Variants in DGKB observed in about 807,000 individuals in gnomAD.
DGKB encodes the protein diacylglycerol kinase beta, also known as 90 kDa diacylglycerol kinase.
Under a neutral mutation model 114.3 loss-of-function variants are expected in DGKB, and 67 were observed. The observed-to-expected ratio is 0.59, with a 90% confidence interval of 0.48 to 0.72. The LOEUF (loss-of-function observed/expected upper bound fraction) is 0.72. DGKB is among the 30% of genes least tolerant of loss of function. The probability of loss-of-function intolerance (pLI) is 0.00; values close to 1 mark genes in which losing one functional copy is unlikely to be tolerated. For synonymous variants in DGKB, 398 were observed against 323.1 expected (o/e 1.23, Z -2.49); for missense variants, 907 against 975.2 (o/e 0.93, Z 0.93).
intron 20 of DGKB, among the ~76,000 whole-genome samples, chr7:14,505,408 T>C (rs372906384): frequency 3.2e-4 from 48 of 151,522 alleles, no homozygotes; most frequent in African/African-American, 1.1e-3. Flanking sequence ...GAGCAGAGAT[T>C]GTGCCACTGC....
rs552695119 is a variant in DGKB, at chr7:14,926,005, C to T, written c.-188+48691G>A. Among the ~76,000 whole-genome samples, 8 of 152,082 alleles carry T rather than the reference C, an allele frequency of 5.3e-5. No individual in the cohort carries two copies. The East Asian group carries it at 1.4e-3, about 26-fold the overall frequency. ...TGATCTTGAACATTCAGTTTTTCAC[C>T]GTTGAGTATGAAGTTAACTGTAGGT... On this transcript the variant is annotated intron_variant, in intron 1 of 4. Transcript: ENST00000437998.
chr7:14,676,414 A>G (rs1468445925), intron 12 of DGKB, among the ~76,000 whole-genome samples: 1 of 151,682 alleles, frequency 6.6e-6, no homozygotes, highest in African/African-American at 2.4e-5. Flanking sequence ...TTTTAAAACA[A>G]CTAAAAGAAG....
At chr7:14,862,663 C>T (rs892205311) in intron 1 of DGKB, among the ~76,000 whole-genome samples, 4 of 152,014 alleles carry the variant, frequency 2.6e-5, no homozygotes, top group Non-Finnish European at 5.9e-5. Context: ...TCTGTTGCCT[C>T]CCTTATATAC....
intron 4 of DGKB, among the ~76,000 whole-genome samples, chr7:14,740,740 A>G (rs1832463032): frequency 2.0e-5 from 3 of 152,100 alleles, no homozygotes; most frequent in Admixed American, 2.0e-4. Flanking sequence ...CTCAAAGGCT[A>G]CTTATAGCAG....
At chr7:14,827,662 G>A (rs1845879921) in intron 2 of DGKB, among the ~76,000 whole-genome samples, 1 of 152,018 alleles carries the variant, frequency 6.6e-6, no homozygotes, top group Non-Finnish European at 1.5e-5. Flanking sequence ...TATTTATTGT[G>A]CATTGTTTAT....
At chr7:14,581,221 A>G (rs928462442) in intron 18 of DGKB, among the ~76,000 whole-genome samples, 3 of 152,164 alleles carry the variant, frequency 2.0e-5, no homozygotes, top group South Asian at 2.1e-4. Context: ...ATCTTAACTC[A>G]GCTAAAAATT....
chr7:14,721,991 C>T (rs942684511), intron 5 of DGKB, among the ~76,000 whole-genome samples: 2 of 152,160 alleles, frequency 1.3e-5, no homozygotes, highest in Non-Finnish European at 2.9e-5. Context: ...CTGTGTTTCA[C>T]ATTAATTCTA....
chr7:14,152,423 A>G (rs1782355188), intron 25 of DGKB, among the ~76,000 whole-genome samples: 1 of 152,062 alleles, frequency 6.6e-6, no homozygotes, highest in African/African-American at 2.4e-5. Flanking sequence ...CGGGGCTCCT[A>G]GAAACTGCAA....
At chr7:14,778,282 T>C (rs1438474449) in intron 2 of DGKB, among the ~76,000 whole-genome samples, 1 of 152,194 alleles carries the variant, frequency 6.6e-6, no homozygotes, top group Non-Finnish European at 1.5e-5. Context: ...TCTCAAGGCT[T>C]TTCCAGTTCT....
At chr7:14,697,039 G>C (rs1470462741) in intron 8 of DGKB, among the ~76,000 whole-genome samples, 1 of 151,996 alleles carries the variant, frequency 6.6e-6, no homozygotes. Flanking sequence ...TTTGCTAAAG[G>C]TTTTAAAAAT....
At chr7:14,349,711 C>T (rs939169613) in intron 21 of DGKB, among the ~76,000 whole-genome samples, 14 of 152,020 alleles carry the variant, frequency 9.2e-5, no homozygotes, top group African/African-American at 2.9e-4. Flanking sequence ...AAATTGAAGG[C>T]TGTTAAATTT....
chr7:14,440,632 A>G (rs1406935643), intron 21 of DGKB, among the ~76,000 whole-genome samples: 1 of 152,178 alleles, frequency 6.6e-6, no homozygotes, highest in Non-Finnish European at 1.5e-5. Flanking sequence ...AACACAGTCT[A>G]CTTACTCATC....
At chr7:14,769,414 T>A (rs1428433020) in intron 2 of DGKB, among the ~76,000 whole-genome samples, 1 of 152,012 alleles carries the variant, frequency 6.6e-6, no homozygotes, top group South Asian at 2.1e-4. Context: ...GTCTTCAAAG[T>A]GAATTGTAGA....
chr7:14,462,947 A>G (rs958580732), intron 21 of DGKB, among the ~76,000 whole-genome samples: 3 of 152,158 alleles, frequency 2.0e-5, no homozygotes, highest in Non-Finnish European at 4.4e-5. Context: ...ACACATTTAC[A>G]ACCATCTGAT....
rs1259243490 is a variant in DGKB at position 14,877,058 on chromosome 7, G to T, written c.-188+25534C>A. 1.4e-4 allele frequency among the ~76,000 whole-genome samples: 22 copies of T among 152,116 alleles called. 1 individual carries two copies. Among genetic ancestry groups the T allele is most frequent in the Admixed American group, 1.4e-3 (22 of 15,262 alleles). ...CTAAATATGTGGAAAATACATAAAA[G>T]AACTCATATAACCACAGTTAATCGA... On this transcript the variant is annotated intron_variant, in intron 1 of 25. Transcript: ENST00000402815.
chr7:14,622,546 C>A (rs1277382017), intron 14 of DGKB, among the ~76,000 whole-genome samples: 1 of 152,072 alleles, frequency 6.6e-6, no homozygotes, highest in Admixed American at 6.6e-5. Flanking sequence ...TGTAAAATGT[C>A]CAAGATTAGT....
intron 23 of DGKB, among the ~76,000 whole-genome samples, chr7:14,270,347 T>G (rs956083632): frequency 3.9e-5 from 6 of 152,196 alleles, no homozygotes; most frequent in African/African-American, 1.4e-4. Context: ...CATATGAACC[T>G]TCTTAGCCTC....
At chr7:14,941,675 C>T (rs1290168134) in intron 1 of DGKB, among the ~76,000 whole-genome samples, 2 of 151,994 alleles carry the variant, frequency 1.3e-5, no homozygotes, top group South Asian at 2.1e-4. Flanking sequence ...TCGATCTACT[C>T]ATTTTGAGAA....
chr7:14,580,472 T>G (rs1275252190), intron 19 of DGKB, among the ~76,000 whole-genome samples: 1 of 152,216 alleles, frequency 6.6e-6, no homozygotes, highest in Non-Finnish European at 1.5e-5. Flanking sequence ...CCTGGGAAAC[T>G]AATTCATTAG....
Sources: allele counts gnomAD v4.1 joint callset (sites outside exome capture counted in the v4.1 genomes callset), GRCh38; gene constraint gnomAD v4.1.1; transcripts MANE v1.5; gene names NCBI Gene and HGNC (gene_info 2026-07-23, HGNC 2026-07-21).